Variants in CCSER1 observed in about 807,000 individuals in gnomAD.
CCSER1 encodes the protein serine-rich coiled-coil domain-containing protein 1.
CCSER1 carries 41 observed loss-of-function variants against 82.0 expected under a neutral mutation model. That is an observed-to-expected ratio of 0.50 (90% CI 0.39 to 0.65). The LOEUF (loss-of-function observed/expected upper bound fraction) is 0.65, where lower values mean the gene tolerates loss of function less well. Ranked by LOEUF, CCSER1 falls within the 30% of genes least tolerant of loss-of-function variation. The pLI, the probability that CCSER1 is intolerant of heterozygous loss-of-function variation, is 0.00. For synonymous variants in CCSER1, 414 were observed against 383.9 expected (o/e 1.08, Z -0.92); for missense variants, 1,119 against 1,064.2 (o/e 1.05, Z -0.72).
intron 1 of CCSER1, among the ~76,000 whole-genome samples, chr4:90,219,856 A>G (rs920971513): frequency 6.6e-6 from 1 of 152,196 alleles, no homozygotes; most frequent in Admixed American, 6.5e-5. Context: ...GATTGCTTCT[A>G]TAAATTAGGA....
At chr4:90,827,047 G>A (rs1332907095) in intron 8 of CCSER1, among the ~76,000 whole-genome samples, 1 of 152,160 alleles carries the variant, frequency 6.6e-6, no homozygotes, top group Non-Finnish European at 1.5e-5. Context: ...TTGAGAAGTG[G>A]GAGCACAGCT....
At chr4:91,551,543 C>A (rs75457323) in intron 10 of CCSER1, among the ~76,000 whole-genome samples, 1 of 151,900 alleles carries the variant, frequency 6.6e-6, no homozygotes, top group South Asian at 2.1e-4. Flanking sequence ...AAGACCCATG[C>A]AGGGATTTTA....
At position 91,171,769 on chromosome 4, in the gene CCSER1, TATA is replaced by T. The variant is rs139067698; in HGVS notation, c.2217+85780_2217+85782del. On this transcript the variant is annotated intron_variant, in intron 10 of 10. Coordinates refer to ENST00000509176, the MANE Select transcript of CCSER1 (RefSeq NM_001145065.2). ...ATGTGATATTCACCTGACAATTGGA[TATA>T]ATAAAATAATCTAGTATACATAATT... 8.5e-3 allele frequency among the ~76,000 whole-genome samples: 1,294 copies of T among 152,266 alleles called. 11 individuals are homozygous for T. The highest frequency in any genetic ancestry group is 0.03 in the African/African-American group (1,229 of 41,572).
intron 1 of CCSER1, among the ~76,000 whole-genome samples, chr4:90,232,095 C>G (rs1744696862): frequency 6.6e-6 from 1 of 152,218 alleles, no homozygotes; most frequent in African/African-American, 2.4e-5. Flanking sequence ...CTACCACTGA[C>G]TTTCTTCACA....
intron 6 of CCSER1, among the ~76,000 whole-genome samples, chr4:90,701,167 A>T (rs552804115): frequency 8.5e-5 from 13 of 152,302 alleles, no homozygotes; most frequent in Admixed American, 3.3e-4. Flanking sequence ...TGTAGAAGGT[A>T]TAAGGAAATG....
At chr4:90,964,896 T>G (rs1734410810) in intron 9 of CCSER1, among the ~76,000 whole-genome samples, 1 of 152,052 alleles carries the variant, frequency 6.6e-6, no homozygotes, top group Admixed American at 6.6e-5. Flanking sequence ...TATTTTAACT[T>G]GCCCACTTTC....
At chr4:91,591,998 G>A (rs1200506856) in intron 10 of CCSER1, among the ~76,000 whole-genome samples, 2 of 152,124 alleles carry the variant, frequency 1.3e-5, no homozygotes, top group Non-Finnish European at 2.9e-5. Flanking sequence ...TTATTTTCCA[G>A]ACTGTATAAA....
intron 10 of CCSER1, among the ~76,000 whole-genome samples, chr4:91,143,600 C>G (rs1222832127): frequency 6.6e-6 from 1 of 152,042 alleles, no homozygotes; most frequent in Non-Finnish European, 1.5e-5. Flanking sequence ...ATAAAGTTGG[C>G]TAAGGGTTTG....
intron 7 of CCSER1, among the ~76,000 whole-genome samples, chr4:90,755,113 C>T (rs550820149): frequency 9.9e-5 from 15 of 152,284 alleles, no homozygotes; most frequent in African/African-American, 3.6e-4. Flanking sequence ...CCCCACATAA[C>T]ACGTTTGCTT....
At chr4:91,039,710 TG>T (rs1312799423) in intron 9 of CCSER1, among the ~76,000 whole-genome samples, 4 of 53,508 alleles carry the variant, frequency 7.5e-5, no homozygotes, top group South Asian at 5.9e-4. Flanking sequence ...TGTATATATA[TG>T]AGTATCTTTC....
At chr4:91,577,422 G>A (rs942885270) in intron 10 of CCSER1, among the ~76,000 whole-genome samples, 4 of 151,576 alleles carry the variant, frequency 2.6e-5, no homozygotes, top group Non-Finnish European at 4.4e-5. Context: ...AACTCCTTGC[G>A]GATTCAATAA....
chr4:91,254,549 A>T (rs1253525250), intron 10 of CCSER1, among the ~76,000 whole-genome samples: 2 of 152,254 alleles, frequency 1.3e-5, no homozygotes, highest in East Asian at 3.9e-4. Context: ...ATGAAAAGGG[A>T]AAAGAGGGAG....
intron 3 of CCSER1, among the ~76,000 whole-genome samples, chr4:90,383,805 C>T (rs1007754645): frequency 7.9e-5 from 12 of 151,578 alleles, no homozygotes; most frequent in Admixed American, 2.0e-4. Flanking sequence ...AATAATAGGT[C>T]TTTGTAACTG....
intron 4 of CCSER1, among the ~76,000 whole-genome samples, chr4:90,429,502 T>C (rs1560505267): frequency 6.6e-6 from 1 of 151,860 alleles, no homozygotes; most frequent in Non-Finnish European, 1.5e-5. Flanking sequence ...GAAAACCTAC[T>C]ATTATAGCTT....
chr4:91,019,113 T>C (rs953348518), intron 9 of CCSER1, among the ~76,000 whole-genome samples: 6 of 152,034 alleles, frequency 3.9e-5, no homozygotes, highest in African/African-American at 1.2e-4. Flanking sequence ...ATAATAGATA[T>C]TTTTATTTTT....
At chr4:91,106,181 C>T (rs1725595045) in intron 10 of CCSER1, among the ~76,000 whole-genome samples, 1 of 152,182 alleles carries the variant, frequency 6.6e-6, no homozygotes, top group Non-Finnish European at 1.5e-5. Flanking sequence ...TATCATGGGC[C>T]AGGTGTTGTT....
At position 91,552,152 on chromosome 4, in the gene CCSER1, AC is replaced by A. The variant is rs1413509434; in HGVS notation, c.2218-46417del. On this transcript the variant is annotated intron_variant, in intron 10 of 10. Coordinates refer to ENST00000509176, the MANE Select transcript of CCSER1 (RefSeq NM_001145065.2). ...AAGTATGTGCTCAGATGGCTAAACT[AC>A]CCTCAAATTTGCATAGACAAGAGAT... is the stretch of plus-strand genomic sequence containing the variant. Among the ~76,000 whole-genome samples, 3 of 151,708 alleles carry A rather than the reference AC, an allele frequency of 2.0e-5. No individual in the cohort carries two copies. The East Asian group carries it at 5.8e-4, about 29-fold the overall frequency.
At chr4:90,631,782 T>C (rs1724487873) in intron 6 of CCSER1, among the ~76,000 whole-genome samples, 2 of 152,202 alleles carry the variant, frequency 1.3e-5, no homozygotes, top group African/African-American at 4.8e-5. Flanking sequence ...AGCACTGACG[T>C]GACACCACAA....
At chr4:90,263,854 T>C (rs1724769496) in intron 1 of CCSER1, among the ~76,000 whole-genome samples, 2 of 152,138 alleles carry the variant, frequency 1.3e-5, no homozygotes, top group African/African-American at 4.8e-5. Flanking sequence ...TTGTGAATTC[T>C]TCTGTGCAGC....
Sources: allele counts gnomAD v4.1 joint callset (sites outside exome capture counted in the v4.1 genomes callset), GRCh38; gene constraint gnomAD v4.1.1; transcripts MANE v1.5; gene names NCBI Gene and HGNC (gene_info 2026-07-23, HGNC 2026-07-21).